Variants in SNX18 observed in about 807,000 individuals in gnomAD.
The protein encoded by SNX18 is sorting nexin-18.
SNX18 carries 35 observed loss-of-function variants against 48.7 expected under a neutral mutation model. The observed-to-expected ratio is 0.72, with a 90% CI of 0.55 to 0.95. The LOEUF (loss-of-function observed/expected upper bound fraction) is 0.95, where lower values mean the gene tolerates loss of function less well. Ranked by LOEUF, SNX18 falls within the 40% of genes least tolerant of loss-of-function variation. The probability of loss-of-function intolerance (pLI) is 0.00; values close to 1 mark genes in which losing one functional copy is unlikely to be tolerated. For synonymous variants in SNX18, 492 were observed against 384.7 expected, an observed-to-expected ratio of 1.28 and a Z score of -3.26; for missense variants, 824 against 871.0, an observed-to-expected ratio of 0.95 and a Z score of 0.68.
At chr5:54,546,726 CTG>C (rs1762582143), downstream of SNX18, 1 of 152,234 alleles carries the variant, frequency 6.6e-6, no homozygotes, top group Non-Finnish European at 1.5e-5. Flanking sequence ...TCATCAAACA[CTG>C]TAGCTAATTT....
the SNX18 span, among the ~76,000 whole-genome samples, chr5:54,628,799 G>A: frequency 6.6e-6 from 1 of 152,212 alleles, no homozygotes; most frequent in Admixed American, 6.5e-5. Flanking sequence ...TCATGGCTCT[G>A]CACTTTAACC....
chr5:54,527,346 T>A (rs1304381905), intron 1 of SNX18, among the ~76,000 whole-genome samples: 2 of 126,882 alleles, frequency 1.6e-5, no homozygotes, highest in Admixed American at 8.2e-5. Flanking sequence ...ACAGAGGTGG[T>A]GGTCGGGGAG....
the SNX18 span, among the ~76,000 whole-genome samples, chr5:54,568,131 G>A: frequency 6.6e-6 from 1 of 152,038 alleles, no homozygotes; most frequent in Non-Finnish European, 1.5e-5. Flanking sequence ...TTATGGCCTC[G>A]CTTCTCCCCA....
At chr5:54,559,429 A>C in the SNX18 span, among the ~76,000 whole-genome samples, 6,048 of 152,276 alleles carry the variant, frequency 0.04, 169 homozygotes, top group East Asian at 0.1. Context: ...GTACACCTAC[A>C]ACCATCTGAT....
the SNX18 span, among the ~76,000 whole-genome samples, chr5:54,576,262 A>T: frequency 6.6e-6 from 1 of 152,182 alleles, no homozygotes; most frequent in African/African-American, 2.4e-5. Context: ...CACGGAATCC[A>T]TGAGCATAAT....
rs777012786 is a variant in SNX18, at chr5:54,518,587, C to G, written c.635C>G (p.Pro212Arg). The change falls in exon 1 of 2, where the codon CCG (proline) becomes CGG (arginine). Residue 212 changes from proline (P) to arginine (R), a missense_variant. Physicochemically the swap from Pro to Arg is moderately radical, Grantham distance 103 (BLOSUM62 -2). Coordinates refer to ENST00000381410, the MANE Select transcript of SNX18 (RefSeq NM_001102575.2). ...SLGSRGGSVP[P>R]QHHPSGPKSS... ...GGTTCCCGCGGCGGCTCGGTCCCCC[C>G]GCAGCACCACCCGTCGGGGCCCAAG... 6.3e-7 allele frequency: 1 copy of G among 1,581,268 alleles called. No homozygotes were observed. Among genetic ancestry groups the G allele is most frequent in the South Asian group, 1.2e-5 (1 of 86,086 alleles).
At chr5:54,523,388 G>A (rs1762068034) in intron 1 of SNX18, among the ~76,000 whole-genome samples, 2 of 152,050 alleles carry the variant, frequency 1.3e-5, no homozygotes, top group Admixed American at 6.6e-5. Context: ...AAAAGATTTA[G>A]GTTTACCTCT....
At chr5:54,540,930 T>A (rs1171750016) in intron 1 of SNX18, among the ~76,000 whole-genome samples, 2 of 152,228 alleles carry the variant, frequency 1.3e-5, no homozygotes, top group African/African-American at 4.8e-5. Context: ...TCTTTATCAT[T>A]ATAAAACATG....
At chr5:54,596,479 C>A in the SNX18 span, among the ~76,000 whole-genome samples, 4 of 152,094 alleles carry the variant, frequency 2.6e-5, no homozygotes, top group Non-Finnish European at 5.9e-5. Context: ...TGCTGCATGC[C>A]CACTTTGGGA....
chr5:54,558,469 GTAACTTAT>G, the SNX18 span, among the ~76,000 whole-genome samples: 1 of 152,102 alleles, frequency 6.6e-6, no homozygotes, highest in African/African-American at 2.4e-5. Flanking sequence ...CCATGTTGAG[GTAACTTAT>G]TAAATTAGCC....
intron 1 of SNX18, among the ~76,000 whole-genome samples, chr5:54,539,714 G>A (rs2548646): frequency 0.71 from 108,489 of 151,942 alleles, 38,921 homozygotes; most frequent in Middle Eastern, 0.74. Flanking sequence ...AAATGTTCAC[G>A]TTAAAATTCT....
the SNX18 span, among the ~76,000 whole-genome samples, chr5:54,615,946 G>C: frequency 6.6e-6 from 1 of 152,146 alleles, no homozygotes; most frequent in African/African-American, 2.4e-5. Context: ...CTCCACTCTT[G>C]CATGAATAAA....
At chr5:54,597,235 A>C in the SNX18 span, among the ~76,000 whole-genome samples, 3 of 152,222 alleles carry the variant, frequency 2.0e-5, no homozygotes, top group Non-Finnish European at 4.4e-5. Flanking sequence ...CCAGATTCAT[A>C]AAACAAGTTC....
Position 54,518,309 on chromosome 5 carries a change from C to G in SNX18, c.357C>G (p.Phe119Leu). 6.5e-7 allele frequency: 1 copy of G among 1,532,950 alleles called. No individual in the cohort carries two copies. The highest frequency in any genetic ancestry group is 8.8e-7 in the Non-Finnish European group (1 of 1,142,798). 95.0% of individuals were successfully genotyped at this position (1,532,950 alleles called of 1,614,324 possible). Residue 119 changes from phenylalanine to leucine, a missense_variant, in exon 1 of 2, where the codon TTC becomes TTG. By Grantham distance (22) the Phe-to-Leu change is conservative. This residue lies in a region of SNX18 where 377 missense variants were observed against 350.6 expected (regional missense o/e 1.08). Transcript: ENST00000381410. ...QPQQAPPPSTFQPPGAGFPYG... is the reference protein window; with the variant it reads ...QPQQAPPPSTLQPPGAGFPYG... ...AGCAGGCGCCGCCTCCGAGCACCTTCCAGCCGCCCGGCGCGGGCTTCCCGT... is the reference window on the plus strand; with the variant it reads ...AGCAGGCGCCGCCTCCGAGCACCTTGCAGCCGCCCGGCGCGGGCTTCCCGT...
chr5:54,630,786 A>G, the SNX18 span, among the ~76,000 whole-genome samples: 1 of 148,828 alleles, frequency 6.7e-6, no homozygotes. Flanking sequence ...GTGAGCCAAG[A>G]TCGCCACTGC....
intron 1 of SNX18, among the ~76,000 whole-genome samples, chr5:54,525,987 A>G (rs1762125047): frequency 1.3e-5 from 2 of 152,168 alleles, no homozygotes; most frequent in Non-Finnish European, 1.5e-5. Context: ...TGTAAAAGTG[A>G]TTAATACCTG....
intron 1 of SNX18, among the ~76,000 whole-genome samples, chr5:54,536,283 A>G (rs946202165): frequency 3.2e-4 from 48 of 152,168 alleles, no homozygotes; most frequent in African/African-American, 1.1e-3. Context: ...CACAGCGTGC[A>G]GGTTTGTTAC....
chr5:54,541,643 A>G (rs896801806), intron 1 of SNX18, among the ~76,000 whole-genome samples: 2 of 152,148 alleles, frequency 1.3e-5, no homozygotes, highest in African/African-American at 2.4e-5. Flanking sequence ...GTGCACCTGC[A>G]GTACATGTGT....
At chr5:54,598,614 G>A in the SNX18 span, among the ~76,000 whole-genome samples, 1 of 151,872 alleles carries the variant, frequency 6.6e-6, no homozygotes, top group African/African-American at 2.4e-5. Context: ...TCACATAAAC[G>A]GATCTAAAGA....
Sources: allele counts gnomAD v4.1 joint callset (sites outside exome capture counted in the v4.1 genomes callset), GRCh38; gene constraint gnomAD v4.1.1; regional missense constraint gnomAD v4.1.1; transcripts MANE v1.5; gene names NCBI Gene and HGNC (gene_info 2026-07-23, HGNC 2026-07-21).